Variants in COL2A1 observed in about 807,000 individuals in gnomAD.
COL2A1 encodes collagen type II alpha 1 chain.
COL2A1 carries 28 observed loss-of-function variants against 204.5 expected under a neutral mutation model. That is an observed-to-expected ratio of 0.14 (90% CI 0.10 to 0.19). COL2A1 has a LOEUF of 0.19. Ranked by LOEUF, COL2A1 falls within the 10% of genes least tolerant of loss-of-function variation. The pLI is 1.00. For synonymous variants in COL2A1, 708 were observed against 718.7 expected (o/e 0.99, Z 0.24); for missense variants, 1,388 against 2,027.5 (o/e 0.68, Z 6.06).
chr12:47,985,141 C>A, intron 26 of COL2A1, 48 bp from the exon 27 acceptor site: 1 of 1,479,894 alleles, frequency 6.8e-7, no homozygotes, highest in Non-Finnish European at 9.4e-7. Flanking sequence ...CTGACCACAT[C>A]CATCCACCCA....
chr12:47,986,756 G>T, intron 22 of COL2A1, 79 bp downstream of exon 22: 6 of 1,504,508 alleles, frequency 4.0e-6, no homozygotes, highest in Non-Finnish European at 5.6e-6. Flanking sequence ...GAGGAGGGAG[G>T]TGGTGGGTCA....
In COL2A1 at chr12:47,998,451, G is replaced by GAGA; in HGVS notation, c.293-23_293-21dup. The GAGA allele has an allele frequency of 2.5e-6, 4 of 1,609,764 alleles. No individual in the cohort carries two copies. The highest frequency in any genetic ancestry group is 3.4e-6 in the Non-Finnish European group (4 of 1,176,970). On this transcript the variant is annotated intron_variant, in intron 2 of 53. Coordinates refer to ENST00000380518, the MANE Select transcript of COL2A1 (RefSeq NM_001844.5). ...GTTGCCCTGCAAGGGAAAAAATATA[G>GAGA]AGAAGAAGAAGGTAAGAATCTTGAG...
At chr12:47,979,375 A>G in intron 41 of COL2A1, 136 bp downstream of exon 41, 2 of 903,146 alleles carry the variant, frequency 2.2e-6, no homozygotes, top group Non-Finnish European at 3.7e-6. Context: ...CCCCATGATC[A>G]GTTAGCTACT....
rs754468081 is a variant in COL2A1 at position 47,985,508 on chromosome 12, T to C, written c.1734+26A>G. On this transcript the variant is annotated intron_variant, in intron 26 of 53. Transcript: ENST00000380518. ...CCCCAGGGAGATCCCCCCACCCTCC[T>C]AGCAGCCCTCAGAGGATAGACTTAC... is the stretch of plus-strand genomic sequence containing the variant. 8 of 1,610,754 alleles carry C rather than the reference T, an allele frequency of 5.0e-6. No individual in the cohort carries two copies. The East Asian group carries it at 1.3e-4, about 27-fold the overall frequency.
At chr12:48,003,325 A>ACACG (rs1475531693) in intron 1 of COL2A1, among the ~76,000 whole-genome samples, 1 of 151,712 alleles carries the variant, frequency 6.6e-6, no homozygotes, top group Admixed American at 6.6e-5. Flanking sequence ...ACACACACAC[A>ACACG]CACGCACACA....
upstream of COL2A1, chr12:48,004,488 G>A: frequency 1.8e-6 from 1 of 543,262 alleles, no homozygotes; most frequent in Non-Finnish European, 3.2e-6. Flanking sequence ...TCTTCTCCCC[G>A]CCGCGGCGCC....
In COL2A1 at chr12:47,985,916, G is replaced by A; in HGVS notation, c.1577C>T (p.Pro526Leu). Residue 526 changes from proline (P) to leucine (L), a missense_variant, in exon 24 of 54, where the codon CCC (proline) becomes CTC (leucine). Physicochemically the swap from Pro to Leu is moderately conservative, Grantham distance 98. Coordinates refer to ENST00000380518, the MANE Select transcript of COL2A1 (RefSeq NM_001844.5). Reference protein sequence around the residue: ...GFPGQDGLAGPKGAPGERGPS... With the variant: ...GFPGQDGLAGLKGAPGERGPS... ...AGCCCCTCTTCTCCCACTCACCTTG[G>A]GACCTGCCAGACCATCTTGACCTGG... is the stretch of plus-strand genomic sequence containing the variant. 1 of 1,552,890 alleles carries A rather than the reference G, an allele frequency of 6.4e-7. No homozygotes were observed. The highest frequency in any genetic ancestry group is 8.7e-7 in the Non-Finnish European group (1 of 1,147,580).
At chr12:47,984,775 C>G (rs1939297330) in intron 27 of COL2A1, among the ~76,000 whole-genome samples, 176 bp from the exon 28 acceptor site, 1 of 152,234 alleles carries the variant, frequency 6.6e-6, no homozygotes, top group South Asian at 2.1e-4. Context: ...CTGCTGGGCA[C>G]TGCCACATGG....
Position 47,986,460 on chromosome 12 carries a change from A to G in COL2A1, c.1420-17T>C. On this transcript the variant is annotated splice_polypyrimidine_tract_variant and intron_variant, in intron 22 of 53. Transcript: ENST00000380518. ...AGCAGGGCCCTGAGGACCAGCAAAA[A>G]AGAGAAACAGAGTGAGCCTTCACCT... 6.7e-7 allele frequency: 1 copy of G among 1,497,812 alleles called. No individual in the cohort carries two copies. Among genetic ancestry groups the G allele is most frequent in the Non-Finnish European group, 9.1e-7 (1 of 1,097,548 alleles). The allele number at this position is 1,497,812 out of a possible 1,614,324, so 92.8% of individuals were successfully genotyped here. A position where few individuals can be genotyped will look rare whatever the true frequency, so the allele number is the denominator to read the frequency against.
chr12:47,995,426 G>A (rs1939907707), intron 10 of COL2A1, 118 bp from the exon 11 acceptor site: 14 of 949,420 alleles, frequency 1.5e-5, no homozygotes, highest in South Asian at 1.1e-4. Flanking sequence ...AGAAAGATGG[G>A]AAGGTCAGAG....
rs777145676 is a variant in COL2A1 at position 47,985,914 on chromosome 12, T to C, written c.1579A>G (p.Lys527Glu). 2.3e-5 allele frequency: 35 copies of C among 1,552,988 alleles called. No individual in the cohort carries two copies. The highest frequency in any genetic ancestry group is 2.8e-5 in the Non-Finnish European group (32 of 1,147,702). Residue 527 changes from lysine to glutamate, a missense_variant and splice_region_variant, in exon 24 of 54, where the codon AAG (lysine) becomes GAG (glutamate). Around this residue, in one of 3 missense-constraint regions of COL2A1, gnomAD observed 884 missense variants for 1,415.8 expected, o/e 0.62. Transcript: ENST00000380518. Reference sequence around the variant, plus strand: ...CCAGCCCCTCTTCTCCCACTCACCTTGGGACCTGCCAGACCATCTTGACCT... The same window carrying C: ...CCAGCCCCTCTTCTCCCACTCACCTCGGGACCTGCCAGACCATCTTGACCT... ...FPGQDGLAGP[K>E]GAPGERGPSG...
At chr12:47,977,873 G>T in intron 44 of COL2A1, 137 bp downstream of exon 44, 1 of 947,264 alleles carries the variant, frequency 1.1e-6, no homozygotes, top group Non-Finnish European at 1.6e-6. Flanking sequence ...TTGTACCTAG[G>T]CTTTCAGGCC....
chr12:47,998,374 G>A (rs1175301366), intron 3 of COL2A1, 41 bp downstream of exon 3: 2 of 1,565,464 alleles, frequency 1.3e-6, no homozygotes, highest in Admixed American at 3.5e-5. Context: ...AAAATATAAA[G>A]CCAAAAAAAT....
rs1565686896 is a variant in COL2A1, at chr12:47,989,799, G to C, written c.1030C>G (p.Arg344Gly). The change falls in exon 17 of 54, where the codon CGA becomes GGA. Residue 344 changes from arginine to glycine, a missense_variant. Physicochemically the swap from Arg to Gly is moderately radical, Grantham distance 125. Around this residue, in one of 3 missense-constraint regions of COL2A1, gnomAD observed 884 missense variants for 1,415.8 expected, o/e 0.62. Coordinates refer to ENST00000380518, the MANE Select transcript of COL2A1 (RefSeq NM_001844.5). ...RTGPAGAAGA[R>G]GNDGQPGPAG... ...GGGCCTGGCTGACCATCGTTGCCTC[G>C]GGCACCCTGTGAGCAAGAAGGAAGT... 1.2e-6 allele frequency: 2 copies of C among 1,613,196 alleles called. No individual in the cohort carries two copies. The highest frequency in any genetic ancestry group is 8.5e-7 in the Non-Finnish European group (1 of 1,179,938).
intron 33 of COL2A1, 57 bp from the exon 34 acceptor site, chr12:47,982,666 G>T: frequency 1.5e-6 from 2 of 1,366,676 alleles, no homozygotes; most frequent in Non-Finnish European, 2.1e-6. Flanking sequence ...CTGAACCCAT[G>T]TTCATGGAGC....
intron 11 of COL2A1, 22 bp from the exon 12 acceptor site, chr12:47,994,499 T>C (rs368859495): frequency 1.2e-6 from 2 of 1,613,070 alleles, no homozygotes; most frequent in South Asian, 2.2e-5. Context: ...GAGAGAGATA[T>C]CCCAGCTTCC....
intron 9 of COL2A1, 25 bp from the exon 10 acceptor site, chr12:47,995,788 G>C: frequency 6.2e-7 from 1 of 1,613,558 alleles, no homozygotes. Flanking sequence ...GAGGATACCA[G>C]GTCAATCCCT....
rs756125516 is a variant in COL2A1 at position 47,977,341 on chromosome 12, C to A, written c.3252G>T (p.Lys1084Asn). 6 of 1,613,618 alleles carry A rather than the reference C, an allele frequency of 3.7e-6. No individual in the cohort carries two copies. The Admixed American group carries it at 1.0e-4, about 27-fold the overall frequency. The stretch of plus-strand genomic sequence containing the variant: ...TTACAGCTTCTCCTCTGTCTCCTTG[C>A]TTGCCAGTTGGACCAGCGGGGCCAG... Reference protein sequence around the residue: ...GSPGPAGPTGKQGDRGEAGAQ... With the variant: ...GSPGPAGPTGNQGDRGEAGAQ... The change falls in exon 46 of 54, where the codon AAG becomes AAT. Residue 1084 changes from lysine to asparagine, a missense_variant. Lys to Asn is a moderately conservative substitution (Grantham distance 94, BLOSUM62 0). Around this residue, in one of 3 missense-constraint regions of COL2A1, gnomAD observed 884 missense variants for 1,415.8 expected, o/e 0.62. Coordinates refer to ENST00000380518, the MANE Select transcript of COL2A1 (RefSeq NM_001844.5).
intron 44 of COL2A1, 22 bp downstream of exon 44, chr12:47,977,983 GCCACC>G: frequency 6.3e-7 from 1 of 1,599,742 alleles, no homozygotes. Context: ...CCCAATCAGG[GCCACC>G]CCAGGGGGTC....
Sources: gnomAD v4.1 joint callset for allele counts (sites outside exome capture counted in the v4.1 genomes callset) on GRCh38, gnomAD v4.1.1 for gene constraint, gnomAD v4.1.1 regional missense constraint, MANE v1.5 for transcripts, NCBI Gene and HGNC (gene_info 2026-07-23, HGNC 2026-07-21) for gene names.